The following RANBP2 variants were observed in gnomAD, a reference collection of about 807,000 sequenced individuals.
The protein encoded by RANBP2 is E3 SUMO-protein ligase RanBP2.
In RANBP2, 57 loss-of-function variants were observed where a neutral mutation model predicts 303.6. That is an observed-to-expected ratio of 0.19 (90% CI 0.15 to 0.23). The LOEUF is 0.23. RANBP2 is among the 10% of genes least tolerant of loss of function. The pLI is 1.00. For missense variants in RANBP2, 3,138 were observed against 3,780.8 expected (o/e 0.83, Z 4.46); for synonymous variants, 1,167 against 1,301.5 (o/e 0.90, Z 2.23).
the RANBP2 span, among the ~76,000 whole-genome samples, chr2:109,289,380 A>T: frequency 1.3e-5 from 2 of 152,118 alleles, no homozygotes; most frequent in Non-Finnish European, 2.9e-5. Context: ...CTTGCATCAG[A>T]GTTTTAGGGT....
At chr2:109,063,991 G>A in the RANBP2 span, among the ~76,000 whole-genome samples, 4 of 152,112 alleles carry the variant, frequency 2.6e-5, no homozygotes, top group East Asian at 3.9e-4. Context: ...CATCATGTCC[G>A]TTTCATGTGA....
the RANBP2 span, among the ~76,000 whole-genome samples, chr2:109,290,848 T>G: frequency 6.6e-6 from 1 of 152,272 alleles, no homozygotes; most frequent in Admixed American, 6.5e-5. Flanking sequence ...CATCCCTGAT[T>G]TAAGGCTTAA....
At chr2:109,104,728 C>T in the RANBP2 span, among the ~76,000 whole-genome samples, 1 of 152,254 alleles carries the variant, frequency 6.6e-6, no homozygotes, top group Admixed American at 6.5e-5. Context: ...CGTGATCCGC[C>T]CACCTCGGCC....
the RANBP2 span, chr2:109,490,492 AT>A: frequency 2.1e-6 from 2 of 951,070 alleles, no homozygotes; most frequent in African/African-American, 1.7e-5. Flanking sequence ...GTCTGAAAAA[AT>A]AAGAAATTTA....
At chr2:108,773,662 G>GC (rs1553500326) in intron 23 of RANBP2, among the ~76,000 whole-genome samples, 2 of 149,078 alleles carry the variant, frequency 1.3e-5, no homozygotes, top group South Asian at 2.1e-4. Context: ...TTTTTTTTTG[G>GC]GGGGGGATGG....
chr2:109,002,970 G>C, the RANBP2 span, among the ~76,000 whole-genome samples: 7 of 152,066 alleles, frequency 4.6e-5, no homozygotes, highest in Non-Finnish European at 7.4e-5. Flanking sequence ...CACTTTGGGA[G>C]GCAGAGGTGG....
chr2:109,514,233 G>A, the RANBP2 span, among the ~76,000 whole-genome samples: 1 of 152,188 alleles, frequency 6.6e-6, no homozygotes, highest in African/African-American at 2.4e-5. Context: ...TGGACTGGCT[G>A]TTTCTGGAAT....
At chr2:109,157,274 G>A in the RANBP2 span, among the ~76,000 whole-genome samples, 1 of 152,180 alleles carries the variant, frequency 6.6e-6, no homozygotes, top group Non-Finnish European at 1.5e-5. Context: ...CCAGCAGAGA[G>A]CCCGCATTCC....
At position 108,753,977 on chromosome 2, in the gene RANBP2, T is replaced by C; in HGVS notation, c.2202+6T>C. The C allele has an allele frequency of 6.2e-7, 1 of 1,611,858 alleles. No individual in the cohort carries two copies. Among genetic ancestry groups the C allele is most frequent in the Non-Finnish European group, 8.5e-7 (1 of 1,179,772 alleles). ...ATCTTTCAGTGGTCAAGAAAGTAAGTAGCAGGTTGTTGTATGTACGTTCTT... is the reference window on the plus strand; with the variant it reads ...ATCTTTCAGTGGTCAAGAAAGTAAGCAGCAGGTTGTTGTATGTACGTTCTT... On this transcript the variant is annotated splice_donor_region_variant and intron_variant, in intron 15 of 28. Transcript: ENST00000283195.
chr2:109,594,236 A>G, the RANBP2 span, among the ~76,000 whole-genome samples: 1 of 151,332 alleles, frequency 6.6e-6, no homozygotes, highest in Non-Finnish European at 1.5e-5. Context: ...AGGAAATGTC[A>G]CATTATTTAA....
chr2:109,693,539 C>T, the RANBP2 span, among the ~76,000 whole-genome samples: 1 of 152,168 alleles, frequency 6.6e-6, no homozygotes, highest in Non-Finnish European at 1.5e-5. Context: ...AGTCTCACAA[C>T]ATCTGATGAT....
At chr2:109,471,746 C>A in the RANBP2 span, among the ~76,000 whole-genome samples, 1 of 152,192 alleles carries the variant, frequency 6.6e-6, no homozygotes, top group Non-Finnish European at 1.5e-5. Context: ...CCTAATAAGA[C>A]GGTCCCAAGA....
the RANBP2 span, among the ~76,000 whole-genome samples, chr2:109,268,695 T>G: frequency 2.6e-4 from 40 of 152,222 alleles, no homozygotes; most frequent in African/African-American, 8.7e-4. Flanking sequence ...TTTTTCACTT[T>G]CAGGGCAGTG....
chr2:109,151,714 G>A, the RANBP2 span, among the ~76,000 whole-genome samples: 1 of 152,234 alleles, frequency 6.6e-6, no homozygotes, highest in African/African-American at 2.4e-5. Flanking sequence ...ACAGGTGGCT[G>A]CTGTATGGAA....
the RANBP2 span, among the ~76,000 whole-genome samples, chr2:109,558,348 T>C: frequency 2.6e-5 from 4 of 152,266 alleles, no homozygotes; most frequent in East Asian, 7.7e-4. Context: ...TTACTAAAAT[T>C]ACGTCAAATA....
the RANBP2 span, among the ~76,000 whole-genome samples, chr2:109,527,725 A>G: frequency 6.6e-6 from 1 of 152,222 alleles, no homozygotes; most frequent in African/African-American, 2.4e-5. Flanking sequence ...TAGGTCTAAA[A>G]TTATTTCAAA....
the RANBP2 span, among the ~76,000 whole-genome samples, chr2:109,038,591 G>T: frequency 1.3e-5 from 2 of 152,074 alleles, no homozygotes; most frequent in African/African-American, 4.8e-5. Flanking sequence ...AAGACCTAAA[G>T]GCAAGCTACA....
the RANBP2 span, among the ~76,000 whole-genome samples, chr2:109,078,790 G>T: frequency 6.6e-6 from 1 of 150,412 alleles, no homozygotes; most frequent in Non-Finnish European, 1.5e-5. Flanking sequence ...AGACCATTCT[G>T]GCTAACATGG....
chr2:109,327,897 CTT>C, the RANBP2 span, among the ~76,000 whole-genome samples: 1 of 152,088 alleles, frequency 6.6e-6, no homozygotes, highest in East Asian at 1.9e-4. Context: ...ATTTCTTTTT[CTT>C]GTTATTATGG....
Sources: allele counts gnomAD v4.1 joint callset (sites outside exome capture counted in the v4.1 genomes callset), GRCh38; gene constraint gnomAD v4.1.1; transcripts MANE v1.5; gene names NCBI Gene and HGNC (gene_info 2026-07-23, HGNC 2026-07-21).